The following GTF3C4 variants were observed in gnomAD, a reference collection of about 807,000 sequenced individuals.
The protein encoded by GTF3C4 is general transcription factor IIIC subunit 4, also known as general transcription factor 3C polypeptide 4.
Under a neutral mutation model 67.5 loss-of-function variants are expected in GTF3C4, and 28 were observed. The observed-to-expected ratio is 0.41, with a 90% CI of 0.31 to 0.57. The LOEUF is 0.57. GTF3C4 is among the 20% of genes least tolerant of loss of function. The pLI, the probability that GTF3C4 is intolerant of heterozygous loss-of-function variation, is 0.21. For missense variants in GTF3C4, 831 were observed against 1,033.2 expected (o/e 0.80, Z 2.68); for synonymous variants, 409 against 393.0 (o/e 1.04, Z -0.48).
chr9:132,682,595 CTT>C lies in GTF3C4; in HGVS notation c.2185-946_2185-945del, dbSNP rs34962674. Among the ~76,000 whole-genome samples, 21 of 92,544 alleles carry C rather than the reference CTT, an allele frequency of 2.3e-4. No homozygotes were observed. In the South Asian group the frequency reaches 5.4e-3, roughly 24 times the overall value. 60.7% of individuals were successfully genotyped at this position (92,544 alleles called of 152,430 possible). The stretch of plus-strand genomic sequence containing the variant: ...GACTTTTATTTTTAAACAGTATAAT[CTT>C]TTTTTTTTTTTTTTTTTTTTTACTG... On this transcript the variant is annotated intron_variant, in intron 2 of 4. Transcript: ENST00000372146.
chr9:132,685,555 GTT>G (rs1836014126), intron 3 of GTF3C4, among the ~76,000 whole-genome samples: 4 of 145,342 alleles, frequency 2.8e-5, no homozygotes, highest in Non-Finnish European at 4.5e-5. Flanking sequence ...GTCTCACTAT[GTT>G]GCCCATGGCA....
rs574733781 is a variant in GTF3C4, at chr9:132,689,287, G to A, written c.*342G>A. The A allele has an allele frequency of 7.1e-5, 20 of 282,148 alleles. No individual in the cohort carries two copies. In the South Asian group the frequency reaches 8.7e-4, roughly 12 times the overall value. The allele number at this position is 282,148 out of a possible 1,614,324, so 17.5% of individuals were successfully genotyped here. ...TCCCGTCATTTCTAGAAACAGAATG[G>A]TCTCTTCTAGAGAGCTTGGATAAGG... On this transcript the variant is annotated 3_prime_UTR_variant, in exon 5 of 5. Coordinates refer to ENST00000372146, the MANE Select transcript of GTF3C4 (RefSeq NM_012204.4).
chr9:132,675,965 C>G (rs1835859325), intron 1 of GTF3C4, among the ~76,000 whole-genome samples: 1 of 131,914 alleles, frequency 7.6e-6, no homozygotes, highest in African/African-American at 2.9e-5. Flanking sequence ...GTGGTGCCAT[C>G]TTGGCTCACT....
chr9:132,687,526 T>C (rs777286953), intron 4 of GTF3C4, among the ~76,000 whole-genome samples, 199 bp downstream of exon 4: 1 of 152,212 alleles, frequency 6.6e-6, no homozygotes, highest in Non-Finnish European at 1.5e-5. Flanking sequence ...GCCATTGGAA[T>C]ATGTCATATT....
rs938988462 is a variant in GTF3C4, at chr9:132,670,488, T to C, written c.-111T>C. 1.3e-5 allele frequency: 13 copies of C among 1,034,942 alleles called. No homozygotes were observed. The East Asian group carries it at 4.1e-4, about 33-fold the overall frequency. 64.1% of individuals were successfully genotyped at this position (1,034,942 alleles called of 1,614,324 possible). A position where few individuals can be genotyped will look rare whatever the true frequency, so the allele number is the denominator to read the frequency against. On this transcript the variant is annotated 5_prime_UTR_variant, in exon 1 of 5. Transcript: ENST00000372146. ...TCTTGGCTCGGCGGCGCTCGGGGCCTGAGGGGAGAAAACCGCCGCGGAGGG... is the reference window on the plus strand; with the variant it reads ...TCTTGGCTCGGCGGCGCTCGGGGCCCGAGGGGAGAAAACCGCCGCGGAGGG...
chr9:132,670,563 A>C lies in GTF3C4; in HGVS notation c.-36A>C, dbSNP rs1835699412. 1 of 1,360,798 alleles carries C rather than the reference A, an allele frequency of 7.3e-7. No individual in the cohort carries two copies. The highest frequency in any genetic ancestry group is 2.8e-5 in the East Asian group (1 of 36,014). 84.3% of individuals were successfully genotyped at this position (1,360,798 alleles called of 1,614,324 possible). On this transcript the variant is annotated 5_prime_UTR_variant, in exon 1 of 5. Coordinates refer to ENST00000372146, the MANE Select transcript of GTF3C4 (RefSeq NM_012204.4). The stretch of plus-strand genomic sequence containing the variant: ...GGGAGGTGGTCGCGCGACTGCGTGG[A>C]GCGCCAGGGCGTCCGACCTCTGCAC...
In GTF3C4 at chr9:132,670,555, C is replaced by G. The variant is rs1267626426; in HGVS notation, c.-44C>G. On this transcript the variant is annotated 5_prime_UTR_variant, in exon 1 of 5. Coordinates refer to ENST00000372146, the MANE Select transcript of GTF3C4 (RefSeq NM_012204.4). ...GGCGGTCCGGGAGGTGGTCGCGCGACTGCGTGGAGCGCCAGGGCGTCCGAC... is the reference window on the plus strand; with the variant it reads ...GGCGGTCCGGGAGGTGGTCGCGCGAGTGCGTGGAGCGCCAGGGCGTCCGAC... 22 of 1,340,558 alleles carry G rather than the reference C, an allele frequency of 1.6e-5. No individual in the cohort carries two copies. Among genetic ancestry groups the G allele is most frequent in the South Asian group, 6.7e-5 (4 of 60,086 alleles). The allele number at this position is 1,340,558 out of a possible 1,614,324, so 83.0% of individuals were successfully genotyped here. A position where few individuals can be genotyped will look rare whatever the true frequency, so the allele number is the denominator to read the frequency against.
In GTF3C4 at chr9:132,679,113, C is replaced by G; in HGVS notation, c.1494C>G (p.Ile498Met). Residue 498 changes from isoleucine (I) to methionine (M), a missense_variant, in exon 2 of 5, where the codon ATC becomes ATG. Ile to Met is a conservative substitution (Grantham distance 10). This residue lies in a region of GTF3C4 where 390 missense variants were observed against 540.3 expected (regional missense o/e 0.72). Coordinates refer to ENST00000372146, the MANE Select transcript of GTF3C4 (RefSeq NM_012204.4). The surrounding 1 kb of genome is among the most constrained non-coding windows in gnomAD (Gnocchi z 5.9). ...YLAIITTEGM[I>M]NGLHPVNKNY... ...CCATCATCACCACTGAGGGCATGAT[C>G]AACGGCCTCCACCCTGTTAACAAAA... 2 of 1,614,188 alleles carry G rather than the reference C, an allele frequency of 1.2e-6. No individual in the cohort carries two copies. The highest frequency in any genetic ancestry group is 1.7e-6 in the Non-Finnish European group (2 of 1,180,026).
At position 132,693,868 on chromosome 9, in the gene GTF3C4, C is replaced by G. The variant is rs1836156364; in HGVS notation, c.*4923C>G. 2.0e-5 allele frequency: 3 copies of G among 152,152 alleles called. No homozygotes were observed. Among genetic ancestry groups the G allele is most frequent in the African/African-American group, 7.2e-5 (3 of 41,430 alleles). 9.4% of individuals were successfully genotyped at this position (152,152 alleles called of 1,614,324 possible). A position where few individuals can be genotyped will look rare whatever the true frequency, so the allele number is the denominator to read the frequency against. On this transcript the variant is annotated 3_prime_UTR_variant, in exon 5 of 5. Transcript: ENST00000372146. Reference sequence around the variant, plus strand: ...TACTTTGATGTATGAAAGTGAATATCAAACTTGTTTATAGAAAAGACTATA... The same window carrying G: ...TACTTTGATGTATGAAAGTGAATATGAAACTTGTTTATAGAAAAGACTATA...
Position 132,673,182 on chromosome 9 carries a change from C to CA in GTF3C4, c.357+2236dup, listed in dbSNP as rs35708812. The stretch of plus-strand genomic sequence containing the variant: ...TGGGCGACAGAGCCAGACTCCGTCT[C>CA]AAAAAAAAAGAAAGAAAATATAATG... On this transcript the variant is annotated intron_variant, in intron 1 of 4. Coordinates refer to ENST00000372146, the MANE Select transcript of GTF3C4 (RefSeq NM_012204.4). Among the ~76,000 whole-genome samples, 739 of 149,806 alleles carry CA rather than the reference C, an allele frequency of 4.9e-3. 5 individuals are homozygous for CA. The highest frequency in any genetic ancestry group is 0.017 in the African/African-American group (697 of 40,800).
At position 132,670,523 on chromosome 9, in the gene GTF3C4, T is replaced by TGGC. The variant is rs1835694655; in HGVS notation, c.-67_-65dup. ...AAACCGCCGCGGAGGGCGCTGGGGG[T>TGGC]GGCGGCGGCGGTCCGGGAGGTGGTC... On this transcript the variant is annotated 5_prime_UTR_variant, in exon 1 of 5. Coordinates refer to ENST00000372146, the MANE Select transcript of GTF3C4 (RefSeq NM_012204.4). 1.7e-6 allele frequency: 2 copies of TGGC among 1,161,594 alleles called. No individual in the cohort carries two copies. Among genetic ancestry groups the TGGC allele is most frequent in the Non-Finnish European group, 1.1e-6 (1 of 877,118 alleles). The allele number at this position is 1,161,594 out of a possible 1,614,324, so 72.0% of individuals were successfully genotyped here.
intron 3 of GTF3C4, among the ~76,000 whole-genome samples, chr9:132,686,269 A>C (rs955645003): frequency 6.6e-6 from 1 of 152,178 alleles, no homozygotes; most frequent in Non-Finnish European, 1.5e-5. Context: ...TTCTTTCAGG[A>C]AAACTGTTTT....
rs753664038 is a variant in GTF3C4 at position 132,678,812 on chromosome 9, A to T, written c.1193A>T (p.Tyr398Phe). 1.2e-6 allele frequency: 2 copies of T among 1,614,156 alleles called. No individual in the cohort carries two copies. The highest frequency in any genetic ancestry group is 2.2e-5 in the East Asian group (1 of 44,882). Residue 398 changes from tyrosine to phenylalanine, a missense_variant, in exon 2 of 5, where the codon TAT (tyrosine) becomes TTT (phenylalanine). Transcript: ENST00000372146. The surrounding 1 kb of genome is among the most constrained non-coding windows in gnomAD (Gnocchi z 6.5). ...TTAGTAGTGGCTGCAAGAGGCTCTT[A>T]TGTATTTTGGTGTCTTCTTCTGATC... is the stretch of plus-strand genomic sequence containing the variant. ...CSLVVAARGS[Y>F]VFWCLLLISK... is the part of the protein sequence containing the mutation.
intron 2 of GTF3C4, among the ~76,000 whole-genome samples, chr9:132,680,964 C>T (rs757744150): frequency 1.8e-4 from 27 of 152,080 alleles, no homozygotes; most frequent in African/African-American, 6.3e-4. Context: ...AAAAATTAGC[C>T]GGGTGTGGTG....
intron 1 of GTF3C4, among the ~76,000 whole-genome samples, chr9:132,672,485 C>T (rs1278662821): frequency 6.6e-6 from 1 of 151,502 alleles, no homozygotes; most frequent in Non-Finnish European, 1.5e-5. Flanking sequence ...CATGTGCATA[C>T]ACGTTTAAGT....
chr9:132,686,275 G>C (rs1235565455), intron 3 of GTF3C4, among the ~76,000 whole-genome samples: 2 of 152,268 alleles, frequency 1.3e-5, no homozygotes, highest in African/African-American at 2.4e-5. Flanking sequence ...CAGGAAAACT[G>C]TTTTCATTTT....
At position 132,679,897 on chromosome 9, in the gene GTF3C4, T is replaced by G. The variant is rs1835915973; in HGVS notation, c.2184+94T>G. On this transcript the variant is annotated intron_variant, in intron 2 of 4. Coordinates refer to ENST00000372146, the MANE Select transcript of GTF3C4 (RefSeq NM_012204.4). The surrounding 1 kb of genome is among the most constrained non-coding windows in gnomAD (Gnocchi z 5.9). The stretch of plus-strand genomic sequence containing the variant: ...AATTGAGTTCCTGAAGCTCAACTTT[T>G]GCTTTGACATTTTTTAGGTAATTTA... 1 of 1,204,584 alleles carries G rather than the reference T, an allele frequency of 8.3e-7. No homozygotes were observed. The highest frequency in any genetic ancestry group is 1.5e-5 in the African/African-American group (1 of 65,850). 74.6% of individuals were successfully genotyped at this position (1,204,584 alleles called of 1,614,324 possible).
At chr9:132,686,591 G>A (rs1420101404) in intron 3 of GTF3C4, among the ~76,000 whole-genome samples, 1 of 152,198 alleles carries the variant, frequency 6.6e-6, no homozygotes, top group Non-Finnish European at 1.5e-5. Flanking sequence ...CCTGGCGCTG[G>A]TAGATGGTCA....
chr9:132,678,387 C>G lies in GTF3C4; in HGVS notation c.768C>G (p.Ile256Met), dbSNP rs145321049. The G allele has an allele frequency of 4.2e-5, 67 of 1,614,234 alleles. No individual in the cohort carries two copies. In the African/African-American group the frequency reaches 7.6e-4, roughly 18 times the overall value. Residue 256 changes from isoleucine (I) to methionine (M), a missense_variant, in exon 2 of 5, where the codon ATC becomes ATG. Physicochemically the swap from Ile to Met is conservative, Grantham distance 10. Transcript: ENST00000372146. The surrounding 1 kb of genome is among the most constrained non-coding windows in gnomAD (Gnocchi z 6.5). ...CAGTCAGAATGGAGTGGTCGGGCAT[C>G]TGTACCACCCAGCAGGTCAAGCATA... ...QTPVRMEWSG[I>M]CTTQQVKHNN...
Sources: gnomAD v4.1 joint callset for allele counts (sites outside exome capture counted in the v4.1 genomes callset) on GRCh38, gnomAD v4.1.1 for gene constraint, gnomAD v4.1.1 regional missense constraint, Gnocchi (gnomAD v3.1) non-coding constraint, MANE v1.5 for transcripts, NCBI Gene and HGNC (gene_info 2026-07-23, HGNC 2026-07-21) for gene names.